Variants in TSHZ3 observed in about 807,000 individuals in gnomAD.
TSHZ3 encodes the protein teashirt zinc finger homeobox 3.
In TSHZ3, 10 loss-of-function variants were observed where a neutral mutation model predicts 64.5. That is an observed-to-expected ratio of 0.16 (90% CI 0.10 to 0.26). The LOEUF (loss-of-function observed/expected upper bound fraction) is 0.26, where lower values mean the gene tolerates loss of function less well. Among genes scored for constraint, TSHZ3 ranks in the 10% least tolerant of loss-of-function variants. The pLI is 1.00. For missense variants in TSHZ3, 1,242 were observed against 1,421.7 expected, an observed-to-expected ratio of 0.87 and a Z score of 2.03; for synonymous variants, 608 against 593.1, an observed-to-expected ratio of 1.03 and a Z score of -0.36.
At chr19:31,193,423 A>G (rs1196363522) in intron 5 of TSHZ3, among the ~76,000 whole-genome samples, 4 of 152,092 alleles carry the variant, frequency 2.6e-5, no homozygotes, top group Admixed American at 6.6e-5. Flanking sequence ...GTCTTGATGG[A>G]TGAGGGAACA....
intron 4 of TSHZ3, among the ~76,000 whole-genome samples, chr19:31,227,673 C>T (rs1975486844): frequency 6.6e-6 from 1 of 152,050 alleles, no homozygotes; most frequent in Non-Finnish European, 1.5e-5. Context: ...TTGCGTACCC[C>T]AAAACTCTTC....
At chr19:31,330,710 G>GC (rs893388231) in intron 1 of TSHZ3, among the ~76,000 whole-genome samples, 1 of 34,288 alleles carries the variant, frequency 2.9e-5, no homozygotes, top group African/African-American at 6.1e-5. Context: ...ATCCTTGGGC[G>GC]GGGGGAGGAA....
chr19:31,202,673 C>T (rs557172691), intron 5 of TSHZ3, among the ~76,000 whole-genome samples: 369 of 152,274 alleles, frequency 2.4e-3, no homozygotes, highest in Non-Finnish European at 4.4e-3. Flanking sequence ...AGGGTAAACT[C>T]TTTTTTAAGC....
chr19:31,255,534 G>A (rs1409976569), intron 1 of TSHZ3, among the ~76,000 whole-genome samples: 31 of 151,990 alleles, frequency 2.0e-4, no homozygotes, highest in Non-Finnish European at 1.5e-5. Context: ...GCATGGCAGG[G>A]GCGCCGGGCT....
rs574420784 is a variant in TSHZ3, at chr19:31,250,187, A to G, written n.64-7312T>C. ...TAAAAATATATCTTTAAGCACATCTATGAGCATGACTTTCCTCACCCCTAT... is the reference window on the plus strand; with the variant it reads ...TAAAAATATATCTTTAAGCACATCTGTGAGCATGACTTTCCTCACCCCTAT... On this transcript the variant is annotated intron_variant and non_coding_transcript_variant, in intron 1 of 6. Transcript: ENST00000651361. 6.6e-5 allele frequency among the ~76,000 whole-genome samples: 10 copies of G among 152,342 alleles called. 1 individual carries two copies. In the South Asian group the frequency reaches 2.1e-3, roughly 32 times the overall value.
At chr19:31,153,941 C>T (rs1480670014) in intron 6 of TSHZ3, among the ~76,000 whole-genome samples, 1 of 152,220 alleles carries the variant, frequency 6.6e-6, no homozygotes, top group Non-Finnish European at 1.5e-5. Flanking sequence ...GTCTGTGGTT[C>T]TTCCCATTAA....
intron 3 of TSHZ3, among the ~76,000 whole-genome samples, chr19:31,230,323 T>G (rs1975522892): frequency 6.6e-6 from 1 of 152,142 alleles, no homozygotes; most frequent in Admixed American, 6.5e-5. Context: ...AAAAAATGTA[T>G]GTATGTAAAT....
At chr19:31,226,816 T>G (rs1300506245) in intron 4 of TSHZ3, among the ~76,000 whole-genome samples, 2 of 152,090 alleles carry the variant, frequency 1.3e-5, no homozygotes, top group African/African-American at 2.4e-5. Context: ...CAAAAACATC[T>G]TAGACAATAA....
chr19:31,318,931 T>C (rs1257853842), intron 1 of TSHZ3, among the ~76,000 whole-genome samples: 1 of 152,196 alleles, frequency 6.6e-6, no homozygotes, highest in Non-Finnish European at 1.5e-5. Flanking sequence ...CTCTGGTGCC[T>C]CCTCATGGGC....
intron 1 of TSHZ3, among the ~76,000 whole-genome samples, chr19:31,260,992 C>A (rs73927325): frequency 6.6e-6 from 1 of 152,262 alleles, no homozygotes; most frequent in East Asian, 1.9e-4. Context: ...ATTTTGAATG[C>A]GGGGCGTGGT....
chr19:31,259,471 G>A (rs1349193394), intron 1 of TSHZ3, among the ~76,000 whole-genome samples: 1 of 152,026 alleles, frequency 6.6e-6, no homozygotes, highest in East Asian at 1.9e-4. Flanking sequence ...TCCTCAGACT[G>A]TCCAGGTAGG....
intron 1 of TSHZ3, among the ~76,000 whole-genome samples, chr19:31,288,570 C>T (rs796302815): frequency 1.3e-5 from 2 of 152,234 alleles, no homozygotes; most frequent in African/African-American, 4.8e-5. Flanking sequence ...CCTGCCGATT[C>T]TCTGCTCTGT....
At chr19:31,266,045 G>A (rs1976049893) in intron 1 of TSHZ3, among the ~76,000 whole-genome samples, 1 of 152,196 alleles carries the variant, frequency 6.6e-6, no homozygotes. Context: ...AGGAACAGGT[G>A]TCCTGTGAGT....
At chr19:31,228,871 C>T (rs922970755) in intron 3 of TSHZ3, among the ~76,000 whole-genome samples, 2 of 152,168 alleles carry the variant, frequency 1.3e-5, no homozygotes, top group Non-Finnish European at 2.9e-5. Flanking sequence ...TGAGTGTTCT[C>T]AAAGGAGGGG....
chr19:31,303,204 C>A (rs1418533303), intron 1 of TSHZ3, among the ~76,000 whole-genome samples: 1 of 152,190 alleles, frequency 6.6e-6, no homozygotes, highest in Non-Finnish European at 1.5e-5. Flanking sequence ...AACAGCCAAG[C>A]CTTCACTCCG....
intron 1 of TSHZ3, among the ~76,000 whole-genome samples, chr19:31,282,645 C>G (rs1220005334): frequency 6.6e-6 from 1 of 152,224 alleles, no homozygotes; most frequent in Non-Finnish European, 1.5e-5. Context: ...ACCAGCTCCT[C>G]TCCTGGGCTG....
At position 31,279,751 on chromosome 19, in the gene TSHZ3, G is replaced by A; in HGVS notation, c.42C>T (p.Ala14=). ...CAGCCTTTAACTCTTCGGAAACATA[G>A]GCTGCCATGATAACAGGTGGGAAAG... ...RKQQAPRRAA[A]YVSEELKAAA... is the part of the protein sequence containing the mutation. The change falls in exon 2 of 2, where the codon GCC becomes GCT. Residue 14 remains alanine (A), a splice_region_variant and synonymous_variant. Coordinates refer to ENST00000240587, the MANE Select transcript of TSHZ3 (RefSeq NM_020856.4). This position sits in a 1 kb window ranked among gnomAD's most constrained non-coding sequence, Gnocchi z 6.4. The A allele has an allele frequency of 6.7e-7, 1 of 1,490,280 alleles. No individual in the cohort carries two copies. Among genetic ancestry groups the A allele is most frequent in the Admixed American group, 2.4e-5 (1 of 42,494 alleles). The allele number at this position is 1,490,280 out of a possible 1,614,324, so 92.3% of individuals were successfully genotyped here. A position where few individuals can be genotyped will look rare whatever the true frequency, so the allele number is the denominator to read the frequency against.
At chr19:31,230,216 T>C (rs1975520996) in intron 3 of TSHZ3, among the ~76,000 whole-genome samples, 2 of 152,170 alleles carry the variant, frequency 1.3e-5, no homozygotes, top group South Asian at 4.1e-4. Context: ...AAAATCATAC[T>C]GAGAATTATG....
At chr19:31,321,654 C>T (rs896185506) in intron 1 of TSHZ3, among the ~76,000 whole-genome samples, 4 of 152,054 alleles carry the variant, frequency 2.6e-5, no homozygotes, top group African/African-American at 7.2e-5. Flanking sequence ...ACAGCAGGCC[C>T]GACGTGGACA....
Sources: allele counts gnomAD v4.1 joint callset (sites outside exome capture counted in the v4.1 genomes callset), GRCh38; gene constraint gnomAD v4.1.1; non-coding constraint Gnocchi (gnomAD v3.1); transcripts MANE v1.5; gene names NCBI Gene and HGNC (gene_info 2026-07-23, HGNC 2026-07-21).